The following SMARCA2 variants were observed in gnomAD, a reference collection of about 807,000 sequenced individuals.
The protein encoded by SMARCA2 is SWI/SNF related BAF chromatin remodeling complex subunit ATPase 2, also known as SWI/SNF-related matrix-associated actin-dependent regulator of chromatin subfamily A member 2.
A neutral mutation model predicts 199.8 loss-of-function variants in SMARCA2; 61 were observed. That is an observed-to-expected ratio of 0.31 (90% CI 0.25 to 0.38). SMARCA2 has a LOEUF of 0.38. SMARCA2 is among the 10% of genes least tolerant of loss of function. The pLI, the probability that SMARCA2 is intolerant of heterozygous loss-of-function variation, is 1.00. For synonymous variants in SMARCA2, 935 were observed against 732.0 expected (o/e 1.28, Z -4.48); for missense variants, 1,344 against 2,012.2 (o/e 0.67, Z 6.35).
In SMARCA2 at chr9:2,086,740, C is replaced by G. The variant is rs543605117; in HGVS notation, c.2527-89C>G. ...GCATATCATATACCAAGGATGGGTT[C>G]TTTGGTTTTCCGCACCACCACTTGC... is the stretch of plus-strand genomic sequence containing the variant. On this transcript the variant is annotated intron_variant, in intron 17 of 33. Coordinates refer to ENST00000349721, the MANE Select transcript of SMARCA2 (RefSeq NM_003070.5). The surrounding 1 kb of genome is among the most constrained non-coding windows in gnomAD (Gnocchi z 4.3). The G allele has an allele frequency of 1.9e-4, 270 of 1,454,712 alleles. 3 individuals are homozygous for G. In the African/African-American group the frequency reaches 3.0e-3, roughly 16 times the overall value. The allele number at this position is 1,454,712 out of a possible 1,614,324, so 90.1% of individuals were successfully genotyped here. A position where few individuals can be genotyped will look rare whatever the true frequency, so the allele number is the denominator to read the frequency against.
At chr9:2,128,922 T>TCCCCAACAACAA (rs1266055496) in intron 27 of SMARCA2, among the ~76,000 whole-genome samples, 16 of 152,124 alleles carry the variant, frequency 1.1e-4, no homozygotes, top group African/African-American at 3.6e-4. Context: ...ACTCCATAAG[T>TCCCCAACAACAA]TAAAGTGCAT....
At chr9:2,175,588 C>G (rs562482231) in intron 29 of SMARCA2, among the ~76,000 whole-genome samples, 5 of 152,092 alleles carry the variant, frequency 3.3e-5, no homozygotes, top group African/African-American at 4.8e-5. Context: ...GATCCTTAAA[C>G]GTAATTTCTT....
intron 19 of SMARCA2, among the ~76,000 whole-genome samples, chr9:2,091,799 A>G (rs537079785): frequency 1.6e-4 from 24 of 152,324 alleles, no homozygotes; most frequent in Admixed American, 4.6e-4. Context: ...TAGCCATTCA[A>G]TAGGTGCATA....
intron 9 of SMARCA2, among the ~76,000 whole-genome samples, chr9:2,068,378 T>C (rs1007709658): frequency 1.5e-5 from 2 of 135,170 alleles, no homozygotes; most frequent in Non-Finnish European, 3.0e-5. Context: ...GAAGCTGCAT[T>C]TTTTTTTATG....
In SMARCA2 at chr9:2,056,920, T is replaced by C; in HGVS notation, c.1347+75T>C. The C allele has an allele frequency of 2.8e-6, 4 of 1,403,834 alleles. No individual in the cohort carries two copies. Among genetic ancestry groups the C allele is most frequent in the Non-Finnish European group, 3.9e-6 (4 of 1,025,442 alleles). The allele number at this position is 1,403,834 out of a possible 1,614,324, so 87.0% of individuals were successfully genotyped here. A position where few individuals can be genotyped will look rare whatever the true frequency, so the allele number is the denominator to read the frequency against. On this transcript the variant is annotated intron_variant, in intron 7 of 33. Coordinates refer to ENST00000349721, the MANE Select transcript of SMARCA2 (RefSeq NM_003070.5). The surrounding 1 kb of genome is among the most constrained non-coding windows in gnomAD (Gnocchi z 4.0). Reference sequence around the variant, plus strand: ...ATGAATTCATCAAATGGGGTCAGAATGACTGAAAAATGGACCCTTGTGGGT... The same window carrying C: ...ATGAATTCATCAAATGGGGTCAGAACGACTGAAAAATGGACCCTTGTGGGT...
chr9:2,134,134 A>G (rs1384664544), intron 27 of SMARCA2, among the ~76,000 whole-genome samples: 2 of 152,236 alleles, frequency 1.3e-5, no homozygotes, highest in Non-Finnish European at 2.9e-5. Context: ...GATAATAGAA[A>G]AAGAAGAAAA....
At chr9:2,167,638 C>G (rs536529574) in intron 28 of SMARCA2, among the ~76,000 whole-genome samples, 88 of 152,346 alleles carry the variant, frequency 5.8e-4, no homozygotes, top group African/African-American at 2.0e-3. Context: ...GGAATGTGTT[C>G]TTCTTGCCCC....
At chr9:2,101,728 G>A (rs1045157679) in intron 22 of SMARCA2, 112 bp downstream of exon 22, 23 of 550,802 alleles carry the variant, frequency 4.2e-5, no homozygotes, top group Non-Finnish European at 7.2e-5. Flanking sequence ...GCCCTCTAAG[G>A]GCTCTTCAGT....
Position 2,040,112 on chromosome 9 carries a change from G to A in SMARCA2, c.790+212G>A, listed in dbSNP as rs972083844. 26 of 1,022,222 alleles carry A rather than the reference G, an allele frequency of 2.5e-5. No individual in the cohort carries two copies. In the South Asian group the frequency reaches 4.6e-4, roughly 18 times the overall value. The allele number at this position is 1,022,222 out of a possible 1,614,324, so 63.3% of individuals were successfully genotyped here. ...GGGCAGTGTTTCTTAACCTTAAAAG[G>A]TGGTTGTGCAAGCTGGAGACCCAGG... On this transcript the variant is annotated intron_variant, in intron 4 of 33. Coordinates refer to ENST00000349721, the MANE Select transcript of SMARCA2 (RefSeq NM_003070.5).
intron 27 of SMARCA2, chr9:2,160,107 C>T (rs927898179): frequency 1.6e-5 from 10 of 634,420 alleles, no homozygotes; most frequent in East Asian, 5.8e-5. Context: ...CCAAGATATG[C>T]GGGACAATTT....
intron 19 of SMARCA2, among the ~76,000 whole-genome samples, chr9:2,093,237 C>T (rs1223655007): frequency 1.3e-5 from 2 of 152,154 alleles, no homozygotes; most frequent in Non-Finnish European, 2.9e-5. Flanking sequence ...GGACGGGGTA[C>T]CCAGTATGTA....
chr9:2,119,851 C>T lies in SMARCA2; in HGVS notation c.3762+316C>T, dbSNP rs1450521678. Among the ~76,000 whole-genome samples, 2 of 152,214 alleles carry T rather than the reference C, an allele frequency of 1.3e-5. No individual in the cohort carries two copies. The highest frequency in any genetic ancestry group is 4.8e-5 in the African/African-American group (2 of 41,440). Reference sequence around the variant, plus strand: ...GAAACAGTTGGCCAGGGCTGAGTAGCAGCTGCACTCTCTGGACAGGCCTCG... The same window carrying T: ...GAAACAGTTGGCCAGGGCTGAGTAGTAGCTGCACTCTCTGGACAGGCCTCG... On this transcript the variant is annotated intron_variant, in intron 26 of 33. Transcript: ENST00000349721. This position sits in a 1 kb window ranked among gnomAD's most constrained non-coding sequence, Gnocchi z 4.6.
intron 27 of SMARCA2, among the ~76,000 whole-genome samples, chr9:2,133,711 T>TCTTC: frequency 6.6e-6 from 1 of 151,774 alleles, no homozygotes; most frequent in African/African-American, 2.4e-5. Flanking sequence ...GAAATGTAAT[T>TCTTC]ATTCATTAAG....
At chr9:2,043,376 A>G (rs924313994) in intron 4 of SMARCA2, 1 of 152,144 alleles carries the variant, frequency 6.6e-6, no homozygotes, top group Non-Finnish European at 1.5e-5. Flanking sequence ...CACTCTTACG[A>G]TGGAATGTGC....
At chr9:2,157,915 C>T (rs1246047088) in intron 27 of SMARCA2, 42 of 398,322 alleles carry the variant, frequency 1.1e-4, no homozygotes, top group Non-Finnish European at 1.4e-4. Context: ...GAGAGGGCCA[C>T]GACTGGACCC....
chr9:2,179,450 G>A (rs1826855903), intron 29 of SMARCA2, among the ~76,000 whole-genome samples: 2 of 152,176 alleles, frequency 1.3e-5, no homozygotes, highest in Non-Finnish European at 2.9e-5. Context: ...CAGAATAAAT[G>A]TGTTTATTTC....
At position 2,149,322 on chromosome 9, in the gene SMARCA2, A is replaced by C. The variant is rs889131280; in HGVS notation, c.3982-12364A>C. 6.0e-5 allele frequency among the ~76,000 whole-genome samples: 7 copies of C among 117,480 alleles called. No individual in the cohort carries two copies. The East Asian group carries it at 9.2e-4, about 15-fold the overall frequency. The allele number at this position is 117,480 out of a possible 152,430, so 77.1% of individuals were successfully genotyped here. A position where few individuals can be genotyped will look rare whatever the true frequency, so the allele number is the denominator to read the frequency against. On this transcript the variant is annotated intron_variant, in intron 27 of 33. Coordinates refer to ENST00000349721, the MANE Select transcript of SMARCA2 (RefSeq NM_003070.5). The stretch of plus-strand genomic sequence containing the variant: ...CACCTGAGGTCAGGAGTTCAAGACC[A>C]GCCTGGCCAGCATGGTGAAACCCCA...
chr9:2,108,052 T>C (rs985714992), intron 23 of SMARCA2, among the ~76,000 whole-genome samples: 2 of 152,166 alleles, frequency 1.3e-5, no homozygotes, highest in African/African-American at 4.8e-5. Context: ...TACACAGGCA[T>C]AGCCAGGGTT....
intron 2 of SMARCA2, chr9:2,032,730 A>G (rs1335440164): frequency 2.6e-6 from 1 of 389,716 alleles, no homozygotes; most frequent in Admixed American, 4.5e-5. Context: ...ACAAACAAAC[A>G]AACAAACAAA....
Sources: gnomAD v4.1 joint callset for allele counts (sites outside exome capture counted in the v4.1 genomes callset) on GRCh38, gnomAD v4.1.1 for gene constraint, Gnocchi (gnomAD v3.1) non-coding constraint, MANE v1.5 for transcripts, NCBI Gene and HGNC (gene_info 2026-07-23, HGNC 2026-07-21) for gene names.